The following ACAP2 variants were observed in gnomAD, a reference collection of about 807,000 sequenced individuals.
The protein encoded by ACAP2 is ArfGAP with coiled-coil, ankyrin repeat and PH domains 2.
ACAP2 carries 39 observed loss-of-function variants against 115.8 expected under a neutral mutation model. The ratio of observed to expected loss-of-function variants is 0.34; its 90% CI spans 0.26 to 0.44. ACAP2 has a LOEUF of 0.44. ACAP2 is among the 20% of genes least tolerant of loss of function. ACAP2 has a pLI of 1.00. For synonymous variants in ACAP2, 289 were observed against 315.8 expected (o/e 0.92, Z 0.90); for missense variants, 662 against 927.6 (o/e 0.71, Z 3.72).
Position 195,341,958 on chromosome 3 carries a change from C to T in ACAP2, c.528+513G>A, listed in dbSNP as rs187771572. 1.6e-4 allele frequency among the ~76,000 whole-genome samples: 25 copies of T among 151,912 alleles called. 1 individual carries two copies. The highest frequency in any genetic ancestry group is 2.6e-4 in the Non-Finnish European group (18 of 67,998). On this transcript the variant is annotated intron_variant, in intron 6 of 22. Transcript: ENST00000326793. ...TAAGTTATAGGTTCTCAGGGGCATACAGAGTGGTGTAATGTGCACTGGAGA... is the reference window on the plus strand; with the variant it reads ...TAAGTTATAGGTTCTCAGGGGCATATAGAGTGGTGTAATGTGCACTGGAGA...
chr3:195,286,124 T>C (rs936927767), intron 21 of ACAP2, among the ~76,000 whole-genome samples: 10 of 152,200 alleles, frequency 6.6e-5, no homozygotes, highest in Admixed American at 5.9e-4. Flanking sequence ...ATACCTCTAG[T>C]GGCTTGCTTC....
rs1465494470 is a variant in ACAP2, at chr3:195,424,299, T to A, written c.53+18496A>T. ...TATATATATATTTTTTTTTTTTTTT[T>A]TTTTTTTTTTTTTGAAACAGAGTCT... On this transcript the variant is annotated intron_variant, in intron 1 of 22. Transcript: ENST00000326793. Among the ~76,000 whole-genome samples, 658 of 94,510 alleles carry A rather than the reference T, an allele frequency of 7.0e-3. 3 individuals carry two copies. The highest frequency in any genetic ancestry group is 0.011 in the East Asian group (22 of 1,956). 62.0% of individuals were successfully genotyped at this position (94,510 alleles called of 152,430 possible).
In ACAP2 at chr3:195,439,315, A is replaced by G. The variant is rs914459689; in HGVS notation, c.53+3480T>C. Among the ~76,000 whole-genome samples, 7 of 150,704 alleles carry G rather than the reference A, an allele frequency of 4.6e-5. No homozygotes were observed. The South Asian group carries it at 6.3e-4, about 14-fold the overall frequency. ...CTGCCTCAGCTTCCCATGTAGCTGG[A>G]ATCACAGATGCACGCCACCATGCCC... is the stretch of plus-strand genomic sequence containing the variant. On this transcript the variant is annotated intron_variant, in intron 1 of 22. Coordinates refer to ENST00000326793, the MANE Select transcript of ACAP2 (RefSeq NM_012287.6).
intron 1 of ACAP2, among the ~76,000 whole-genome samples, chr3:195,396,793 G>GAAAAAAAAAAAAAAAAAAAAA (rs62983860): frequency 1.1e-5 from 1 of 91,820 alleles, no homozygotes. Context: ...TCTCAAAAAA[G>GAAAAAAAAAAAAAAAAAAAAA]AAAAAAAAAA....
chr3:195,292,380 G>A lies in ACAP2; in HGVS notation c.1838C>T (p.Ala613Val), dbSNP rs149500040. 128 of 1,613,828 alleles carry A rather than the reference G, an allele frequency of 7.9e-5. 2 individuals carry two copies. Among genetic ancestry groups the A allele is most frequent in the African/African-American group, 5.3e-5 (4 of 74,994 alleles). ...HLNPGLQLYR[A>V]SYEKNLPKMA... The stretch of plus-strand genomic sequence containing the variant: ...TTTAGGAAGGTTTTTTTCATATGAC[G>A]CCCTATAAAGCTGAAGTCCTGGATT... Residue 613 changes from alanine to valine, a missense_variant, in exon 19 of 23, where the codon GCG (alanine) becomes GTG (valine). Transcript: ENST00000326793.
intron 9 of ACAP2, among the ~76,000 whole-genome samples, chr3:195,322,772 A>G (rs151116123): frequency 6.6e-6 from 1 of 152,336 alleles, no homozygotes; most frequent in Non-Finnish European, 1.5e-5. Flanking sequence ...ACCTTGGTCA[A>G]CTTAAAAGAC....
intron 13 of ACAP2, among the ~76,000 whole-genome samples, chr3:195,303,349 T>TAGTA (rs1728195237): frequency 7.1e-6 from 1 of 141,790 alleles, no homozygotes; most frequent in Non-Finnish European, 1.5e-5. Flanking sequence ...GGGGCTATTG[T>TAGTA]AGTAAGCCAA....
intron 2 of ACAP2, among the ~76,000 whole-genome samples, chr3:195,385,388 T>TAAAAAAAAA (rs57423683): frequency 8.8e-6 from 1 of 113,940 alleles, no homozygotes; most frequent in African/African-American, 3.2e-5. Flanking sequence ...ACAAACTTAG[T>TAAAAAAAAA]AAAAAAAAAA....
At chr3:195,330,896 G>A (rs929908510) in intron 8 of ACAP2, among the ~76,000 whole-genome samples, 1 of 152,112 alleles carries the variant, frequency 6.6e-6, no homozygotes, top group Non-Finnish European at 1.5e-5. Context: ...CCCATTAGCT[G>A]GAATTTGGGT....
chr3:195,300,822 G>C (rs1727996254), intron 15 of ACAP2, among the ~76,000 whole-genome samples: 1 of 152,182 alleles, frequency 6.6e-6, no homozygotes, highest in Non-Finnish European at 1.5e-5. Flanking sequence ...TACAAGGCCA[G>C]TCTGGGCAAC....
At chr3:195,370,611 C>G (rs1208346456) in intron 4 of ACAP2, among the ~76,000 whole-genome samples, 3 of 152,128 alleles carry the variant, frequency 2.0e-5, no homozygotes, top group African/African-American at 7.2e-5. Flanking sequence ...GTGTCTGTTT[C>G]TGCTCCAGTA....
chr3:195,400,335 G>A (rs1266372310), intron 1 of ACAP2, among the ~76,000 whole-genome samples: 2 of 151,796 alleles, frequency 1.3e-5, no homozygotes, highest in Admixed American at 1.3e-4. Flanking sequence ...CATATTAACA[G>A]GTATATGATT....
intron 2 of ACAP2, among the ~76,000 whole-genome samples, chr3:195,385,405 AT>A (rs1351333833): frequency 3.3e-5 from 5 of 151,294 alleles, no homozygotes; most frequent in Non-Finnish European, 4.4e-5. Flanking sequence ...AAAAAAAAAA[AT>A]CTTTATCTAC....
intron 4 of ACAP2, among the ~76,000 whole-genome samples, chr3:195,357,233 C>T (rs1160262488): frequency 1.3e-5 from 2 of 151,846 alleles, no homozygotes; most frequent in African/African-American, 4.8e-5. Flanking sequence ...GACTCCACTG[C>T]CTGGGGAGAG....
Position 195,420,595 on chromosome 3 carries a change from G to T in ACAP2, c.53+22200C>A, listed in dbSNP as rs568466221. On this transcript the variant is annotated intron_variant, in intron 1 of 22. Coordinates refer to ENST00000326793, the MANE Select transcript of ACAP2 (RefSeq NM_012287.6). ...CCTGACCTCGTGATTCACCCGCCTC[G>T]GCCTCCCAAAGTGCTGGAATTACAG... is the stretch of plus-strand genomic sequence containing the variant. Among the ~76,000 whole-genome samples, 32 of 151,610 alleles carry T rather than the reference G, an allele frequency of 2.1e-4. 1 individual carries two copies. Among genetic ancestry groups the T allele is most frequent in the Non-Finnish European group, 4.4e-5 (3 of 67,960 alleles).
intron 17 of ACAP2, 72 bp from the exon 18 acceptor site, chr3:195,294,883 TTTAAAATGAGCTC>T: frequency 1.0e-6 from 1 of 956,574 alleles, no homozygotes; most frequent in East Asian, 2.8e-5. Context: ...CAAACAAGGT[TTTAAAATGAGCTC>T]TTACACATCA....
At chr3:195,341,313 TTGTG>T (rs1730851502) in intron 6 of ACAP2, among the ~76,000 whole-genome samples, 2 of 142,132 alleles carry the variant, frequency 1.4e-5, no homozygotes, top group African/African-American at 5.2e-5. Flanking sequence ...GTTTGTTTTA[TTGTG>T]TGGGTTTTTT....
chr3:195,372,987 C>CAAAAAAA (rs869134113), intron 4 of ACAP2, among the ~76,000 whole-genome samples: 5 of 17,758 alleles, frequency 2.8e-4, no homozygotes, highest in East Asian at 8.8e-4. Flanking sequence ...GACTCCATCT[C>CAAAAAAA]AAAAAAAAAA....
chr3:195,420,377 C>T (rs866989622), intron 1 of ACAP2, among the ~76,000 whole-genome samples: 14 of 152,214 alleles, frequency 9.2e-5, no homozygotes, highest in Admixed American at 2.0e-4. Context: ...GAGACGGAGT[C>T]TCACTCTGTC....
Sources: gnomAD v4.1 joint callset for allele counts (sites outside exome capture counted in the v4.1 genomes callset) on GRCh38, gnomAD v4.1.1 for gene constraint, MANE v1.5 for transcripts, NCBI Gene and HGNC (gene_info 2026-07-23, HGNC 2026-07-21) for gene names.